Variants in RFX1 observed in about 807,000 individuals in gnomAD.
RFX1 encodes the protein MHC class II regulatory factor RFX1.
Under a neutral mutation model 119.6 loss-of-function variants are expected in RFX1, and 42 were observed. That is an observed-to-expected ratio of 0.35 (90% confidence interval 0.27 to 0.45). The LOEUF (loss-of-function observed/expected upper bound fraction) is 0.45, where lower values mean the gene tolerates loss of function less well. Among genes scored for constraint, RFX1 ranks in the 20% least tolerant of loss-of-function variants. RFX1 has a pLI of 1.00. For missense variants in RFX1, 1,118 were observed against 1,368.1 expected (o/e 0.82, Z 2.88); for synonymous variants, 628 against 618.5 (o/e 1.02, Z -0.23).
rs772572094 is a variant in RFX1, at chr19:13,963,845, G to T, written c.2361+13C>A. 12 of 746,098 alleles carry T rather than the reference G, an allele frequency of 1.6e-5. No individual in the cohort carries two copies. The highest frequency in any genetic ancestry group is 2.3e-5 in the Non-Finnish European group (12 of 512,174). 46.2% of individuals were successfully genotyped at this position (746,098 alleles called of 1,614,324 possible). A position where few individuals can be genotyped will look rare whatever the true frequency, so the allele number is the denominator to read the frequency against. On this transcript the variant is annotated intron_variant, in intron 17 of 20. Transcript: ENST00000254325. Reference sequence around the variant, plus strand: ...GCCCCTCATTCGCCCGCCCCGCCCCGCCCCGCGCTCACCTGCACGTTGGCG... The same window carrying T: ...GCCCCTCATTCGCCCGCCCCGCCCCTCCCCGCGCTCACCTGCACGTTGGCG...
chr19:13,967,447 G>A (rs143953700), intron 12 of RFX1, among the ~76,000 whole-genome samples: 2,015 of 151,922 alleles, frequency 0.013, 53 homozygotes, highest in African/African-American at 0.046. Flanking sequence ...AACGTGCTGG[G>A]ATTACACACG....
chr19:14,002,361 T>C (rs550980185), intron 1 of RFX1, among the ~76,000 whole-genome samples: 1 of 149,802 alleles, frequency 6.7e-6, no homozygotes, highest in South Asian at 2.1e-4. Flanking sequence ...GGCAGGCATC[T>C]GTAATCCCAG....
chr19:13,979,451 T>C lies in RFX1; in HGVS notation c.830A>G (p.Gln277Arg). 6.3e-7 allele frequency: 1 copy of C among 1,583,836 alleles called. No individual in the cohort carries two copies. The highest frequency in any genetic ancestry group is 8.6e-7 in the Non-Finnish European group (1 of 1,162,380). ...GTAGGAGGGGGAGACACACACCTCT[T>C]GAGCCACGTGGACTGGCTGGAGGCC... The part of the protein sequence containing the change: ...VQGLQPVHVA[Q>R]EVQQLQQVPV... The change falls in exon 7 of 21, where the codon CAA (glutamine) becomes CGA (arginine). Residue 277 changes from glutamine to arginine, a missense_variant. Around this residue, in one of 5 missense-constraint regions of RFX1, gnomAD observed 542 missense variants for 602.7 expected, o/e 0.90. Coordinates refer to ENST00000254325, the MANE Select transcript of RFX1 (RefSeq NM_002918.5).
rs1457067172 is a variant in RFX1, at chr19:13,962,847, C to T, written c.2788G>A (p.Glu930Lys). The change falls in exon 21 of 21, where the codon GAG (glutamate) becomes AAG (lysine). Residue 930 changes from glutamate to lysine, a missense_variant. Around this residue, in one of 5 missense-constraint regions of RFX1, gnomAD observed 138 missense variants for 117.8 expected, o/e 1.17. Transcript: ENST00000254325. ...GGCAGCTCGTCCTCGCTCTCCTCCT[C>T]CTCTTCTTCCTCCTCGTCTGGAACA... The part of the protein sequence containing the change: ...DPDKDEEEEE[E>K]EESEDELPQD... 5.2e-6 allele frequency: 8 copies of T among 1,527,710 alleles called. No individual in the cohort carries two copies. The highest frequency in any genetic ancestry group is 7.0e-6 in the Non-Finnish European group (8 of 1,139,564). The allele number at this position is 1,527,710 out of a possible 1,614,324, so 94.6% of individuals were successfully genotyped here.
In RFX1 at chr19:13,963,008, A is replaced by C. The variant is rs778006176; in HGVS notation, c.2756T>G (p.Leu919Arg). 1 of 1,552,520 alleles carries C rather than the reference A, an allele frequency of 6.4e-7. No homozygotes were observed. The highest frequency in any genetic ancestry group is 8.7e-7 in the Non-Finnish European group (1 of 1,147,592). Reference sequence around the variant, plus strand: ...GCCTCGCCTACCTTTGTCGGGGTCCAGGGGGTTCAGGGAGGTGGCCAGATT... The same window carrying C: ...GCCTCGCCTACCTTTGTCGGGGTCCCGGGGGTTCAGGGAGGTGGCCAGATT... ...FANLATSLNP[L>R]DPDKDEEEEE... The change falls in exon 20 of 21, where the codon CTG (leucine) becomes CGG (arginine). Residue 919 changes from leucine (L) to arginine (R), a missense_variant. By Grantham distance (102) the Leu-to-Arg change is moderately radical. Around this residue, in one of 5 missense-constraint regions of RFX1, gnomAD observed 138 missense variants for 117.8 expected, o/e 1.17. Transcript: ENST00000254325.
intron 9 of RFX1, among the ~76,000 whole-genome samples, chr19:13,972,248 G>A (rs1258013928): frequency 6.7e-6 from 1 of 148,856 alleles, no homozygotes; most frequent in Admixed American, 6.7e-5. Flanking sequence ...CCAGGCTTGA[G>A]TGCGGTGGCG....
At chr19:13,979,228 C>T (rs913713652) in intron 7 of RFX1, among the ~76,000 whole-genome samples, 1 of 152,202 alleles carries the variant, frequency 6.6e-6, no homozygotes, top group Non-Finnish European at 1.5e-5. Context: ...TTAGAACTGA[C>T]CCAGGGCCAC....
At chr19:14,002,348 G>C (rs1374812983) in intron 1 of RFX1, among the ~76,000 whole-genome samples, 1 of 150,318 alleles carries the variant, frequency 6.7e-6, no homozygotes, top group African/African-American at 2.5e-5. Flanking sequence ...AGCCAGGCAT[G>C]GTGGCAGGCA....
Position 13,969,365 on chromosome 19 carries a change from G to A in RFX1, c.1497-471C>T, listed in dbSNP as rs1003085526. 1.3e-5 allele frequency among the ~76,000 whole-genome samples: 2 copies of A among 152,104 alleles called. No individual in the cohort carries two copies. The highest frequency in any genetic ancestry group is 6.6e-5 in the Admixed American group (1 of 15,266). ...CTGAAATAAGTCATGTAAAAGGCAC[G>A]TGTGGGCCGGGCACGGTGGGGTCAT... On this transcript the variant is annotated intron_variant, in intron 10 of 20. Transcript: ENST00000254325. This position sits in a 1 kb window ranked among gnomAD's most constrained non-coding sequence, Gnocchi z 4.5.
At chr19:13,991,452 CG>C (rs929954770) in intron 2 of RFX1, among the ~76,000 whole-genome samples, 2 of 152,040 alleles carry the variant, frequency 1.3e-5, no homozygotes, top group Admixed American at 6.6e-5. Flanking sequence ...TCTACACAGG[CG>C]GGGGGGCACT....
chr19:13,966,588 G>A lies in RFX1; in HGVS notation c.1851+45C>T, dbSNP rs757974368. The A allele has an allele frequency of 8.5e-6, 13 of 1,537,174 alleles. No homozygotes were observed. The East Asian group carries it at 1.4e-4, about 16-fold the overall frequency. ...GGGGCAGCATGGCCCTCCCATGCCC[G>A]TGGCTGCGTCCCCGTCCACTTGCCT... On this transcript the variant is annotated intron_variant, in intron 13 of 20. Transcript: ENST00000254325. The surrounding 1 kb of genome is among the most constrained non-coding windows in gnomAD (Gnocchi z 6.3).
In RFX1 at chr19:13,980,519, A is replaced by T; in HGVS notation, c.738+54T>A. 1 of 1,174,300 alleles carries T rather than the reference A, an allele frequency of 8.5e-7. No homozygotes were observed. The highest frequency in any genetic ancestry group is 1.2e-6 in the Non-Finnish European group (1 of 826,436). 72.7% of individuals were successfully genotyped at this position (1,174,300 alleles called of 1,614,324 possible). A position where few individuals can be genotyped will look rare whatever the true frequency, so the allele number is the denominator to read the frequency against. On this transcript the variant is annotated intron_variant, in intron 6 of 20. Coordinates refer to ENST00000254325, the MANE Select transcript of RFX1 (RefSeq NM_002918.5). The surrounding 1 kb of genome is among the most constrained non-coding windows in gnomAD (Gnocchi z 5.1). ...GAGGCACAGCCGTGGGGGGCTGCAGAGGCTGCCTGGCCGGTACCCCTGGAC... is the reference window on the plus strand; with the variant it reads ...GAGGCACAGCCGTGGGGGGCTGCAGTGGCTGCCTGGCCGGTACCCCTGGAC...
chr19:13,963,488 C>G, intron 18 of RFX1, 50 bp downstream of exon 18: 1 of 1,518,348 alleles, frequency 6.6e-7, no homozygotes, highest in East Asian at 2.4e-5. Context: ...CCCCCAGGGA[C>G]GCGGGGCCTT....
At chr19:14,002,451 C>T (rs1975248600) in intron 1 of RFX1, among the ~76,000 whole-genome samples, 1 of 151,936 alleles carries the variant, frequency 6.6e-6, no homozygotes, top group East Asian at 1.9e-4. Context: ...CGCCACTGCA[C>T]TCCATCCTGG....
chr19:13,963,672 C>T lies in RFX1; in HGVS notation c.2436G>A (p.Leu812=). The change falls in exon 18 of 21, where the codon CTG becomes CTA. Residue 812 remains leucine, a synonymous_variant. Coordinates refer to ENST00000254325, the MANE Select transcript of RFX1 (RefSeq NM_002918.5). ...QRLEQDFKVT[L]QQQNSLEQWA... is the part of the protein sequence containing the mutation. Reference sequence around the variant, plus strand: ...ACTGCTCCAGCGAGTTCTGCTGCTGCAGCGTCACCTTGAAGTCCTGCTCCA... The same window carrying T: ...ACTGCTCCAGCGAGTTCTGCTGCTGTAGCGTCACCTTGAAGTCCTGCTCCA... The T allele has an allele frequency of 6.2e-7, 1 of 1,604,220 alleles. No homozygotes were observed. Among genetic ancestry groups the T allele is most frequent in the Admixed American group, 1.7e-5 (1 of 59,470 alleles).
chr19:13,962,781 G>A lies in RFX1; in HGVS notation c.2854C>T (p.Leu952=). The part of the protein sequence containing the change: ...SLAAGGESPA[L]GPETLEPPAK... Reference sequence around the variant, plus strand: ...GGCGGCTCCAGGGTCTCCGGGCCCAGCGCGGGTGACTCGCCGCCAGCCGCC... The same window carrying A: ...GGCGGCTCCAGGGTCTCCGGGCCCAACGCGGGTGACTCGCCGCCAGCCGCC... Residue 952 remains leucine (L), a synonymous_variant, in exon 21 of 21, where the codon CTG becomes TTG. Coordinates refer to ENST00000254325, the MANE Select transcript of RFX1 (RefSeq NM_002918.5). The A allele has an allele frequency of 6.5e-7, 1 of 1,530,512 alleles. No individual in the cohort carries two copies. The highest frequency in any genetic ancestry group is 8.7e-7 in the Non-Finnish European group (1 of 1,143,574). 94.8% of individuals were successfully genotyped at this position (1,530,512 alleles called of 1,614,324 possible).
In RFX1 at chr19:13,994,915, T is replaced by C. The variant is rs1199069015; in HGVS notation, c.-52-1020A>G. 2.7e-4 allele frequency among the ~76,000 whole-genome samples: 25 copies of C among 91,908 alleles called. 4 individuals are homozygous for C. Among genetic ancestry groups the C allele is most frequent in the African/African-American group, 8.5e-4 (22 of 26,006 alleles). The allele number at this position is 91,908 out of a possible 152,430, so 60.3% of individuals were successfully genotyped here. A position where few individuals can be genotyped will look rare whatever the true frequency, so the allele number is the denominator to read the frequency against. ...ATACATATATATATATATATATATA[T>C]ATATATATATATATATATATATAAT... On this transcript the variant is annotated intron_variant, in intron 1 of 20. Transcript: ENST00000254325.
At chr19:13,977,067 C>T (rs1281649406) in intron 8 of RFX1, among the ~76,000 whole-genome samples, 3 of 151,858 alleles carry the variant, frequency 2.0e-5, no homozygotes, top group Non-Finnish European at 4.4e-5. Context: ...GAGGCTGAGA[C>T]GGGTGGATCA....
At chr19:13,976,652 G>T (rs1157434114) in intron 8 of RFX1, among the ~76,000 whole-genome samples, 2 of 152,224 alleles carry the variant, frequency 1.3e-5, no homozygotes, top group Non-Finnish European at 2.9e-5. Context: ...TGGTAGAAGA[G>T]CCAGGAAAGA....
Sources: gnomAD v4.1 joint callset for allele counts (sites outside exome capture counted in the v4.1 genomes callset) on GRCh38, gnomAD v4.1.1 for gene constraint, gnomAD v4.1.1 regional missense constraint, Gnocchi (gnomAD v3.1) non-coding constraint, MANE v1.5 for transcripts, NCBI Gene and HGNC (gene_info 2026-07-23, HGNC 2026-07-21) for gene names.